SOCS7: variants seen among roughly 807,000 people sequenced by gnomAD.
SOCS7 encodes suppressor of cytokine signaling 7, also known as NAP-4.
Under a neutral mutation model 58.9 loss-of-function variants are expected in SOCS7, and 18 were observed. The observed-to-expected ratio is 0.31, with a 90% CI of 0.21 to 0.45. The LOEUF (loss-of-function observed/expected upper bound fraction) is 0.45. Ranked by LOEUF, SOCS7 falls within the 20% of genes least tolerant of loss-of-function variation. SOCS7 has a pLI of 1.00. For missense variants in SOCS7, 667 were observed against 837.3 expected (o/e 0.80, Z 2.51); for synonymous variants, 388 against 364.3 (o/e 1.06, Z -0.74).
At chr17:38,373,081 G>T (rs2037888336) in intron 6 of SOCS7, among the ~76,000 whole-genome samples, 1 of 151,512 alleles carries the variant, frequency 6.6e-6, no homozygotes, top group Non-Finnish European at 1.5e-5. Context: ...ACTCCAGCCT[G>T]GGCAACAAGA....
intron 6 of SOCS7, among the ~76,000 whole-genome samples, chr17:38,369,569 G>C (rs1216808490): frequency 6.6e-6 from 1 of 151,878 alleles, no homozygotes; most frequent in African/African-American, 2.4e-5. Context: ...TGTTAAACCT[G>C]TTCAAATGAC....
intron 6 of SOCS7, among the ~76,000 whole-genome samples, chr17:38,370,009 T>C (rs1163940435): frequency 3.9e-5 from 6 of 152,128 alleles, no homozygotes; most frequent in Admixed American, 3.9e-4. Flanking sequence ...GTGAGGCTGG[T>C]CTTGAACTCC....
At chr17:38,389,908 G>GTACATATATATATATATACAT (rs2038146914) in intron 7 of SOCS7, among the ~76,000 whole-genome samples, 1 of 6,780 alleles carries the variant, frequency 1.5e-4, no homozygotes, top group Non-Finnish European at 3.6e-4. Context: ...TACACATATA[G>GTACATATATATATATATACAT]AGAGAGAGAG....
intron 7 of SOCS7, among the ~76,000 whole-genome samples, chr17:38,382,197 G>A (rs976116491): frequency 6.6e-6 from 1 of 151,986 alleles, no homozygotes; most frequent in East Asian, 1.9e-4. Context: ...GGGAGGTAGA[G>A]GTGGAAGGAT....
intron 7 of SOCS7, 76 bp downstream of exon 7, chr17:38,377,918 A>G (rs1259988286): frequency 4.2e-6 from 6 of 1,433,668 alleles, no homozygotes; most frequent in East Asian, 2.3e-5. Flanking sequence ...CACCATCCCC[A>G]CAAAAGGCCA....
intron 6 of SOCS7, among the ~76,000 whole-genome samples, chr17:38,369,575 A>G (rs2037834380): frequency 6.6e-6 from 1 of 152,112 alleles, no homozygotes; most frequent in African/African-American, 2.4e-5. Flanking sequence ...ACCTGTTCAA[A>G]TGACTAGGCC....
chr17:38,389,399 T>TG (rs2038120955), intron 7 of SOCS7, among the ~76,000 whole-genome samples: 3 of 152,064 alleles, frequency 2.0e-5, no homozygotes, highest in African/African-American at 7.2e-5. Flanking sequence ...CTACAAAAAA[T>TG]TTAAAAATTA....
intron 7 of SOCS7, among the ~76,000 whole-genome samples, chr17:38,382,667 T>G (rs2038018778): frequency 6.6e-6 from 1 of 151,916 alleles, no homozygotes; most frequent in Non-Finnish European, 1.5e-5. Flanking sequence ...TTTTGTATTT[T>G]TAGTAGAGAC....
intron 7 of SOCS7, among the ~76,000 whole-genome samples, chr17:38,390,896 G>A (rs936243702): frequency 3.3e-5 from 5 of 151,714 alleles, no homozygotes; most frequent in Admixed American, 1.3e-4. Flanking sequence ...GGGTCTCACC[G>A]CATTGCCCAG....
chr17:38,375,878 G>A (rs1471263158), intron 6 of SOCS7: 2 of 151,674 alleles, frequency 1.3e-5, no homozygotes, highest in Non-Finnish European at 2.9e-5. Flanking sequence ...GGAGTGCAAT[G>A]GTGTGATCTC....
chr17:38,375,343 C>G (rs977916632), intron 6 of SOCS7, among the ~76,000 whole-genome samples: 6 of 152,140 alleles, frequency 3.9e-5, no homozygotes, highest in Non-Finnish European at 8.8e-5. Flanking sequence ...TCCTCTTCCT[C>G]TTCCTCCTCA....
chr17:38,386,508 A>G (rs1223826789), intron 7 of SOCS7, among the ~76,000 whole-genome samples: 2 of 151,846 alleles, frequency 1.3e-5, no homozygotes, highest in African/African-American at 2.4e-5. Flanking sequence ...GCAAGATTAT[A>G]TAGGTAGTAT....
intron 7 of SOCS7, among the ~76,000 whole-genome samples, chr17:38,381,379 G>A (rs946758769): frequency 1.3e-5 from 2 of 152,030 alleles, no homozygotes; most frequent in Non-Finnish European, 2.9e-5. Context: ...GTAGGTATTA[G>A]CATTTAGGTT....
At position 38,400,528 on chromosome 17, in the gene SOCS7, G is replaced by A. The variant is rs1708189993; in HGVS notation, c.*1046G>A. On this transcript the variant is annotated 3_prime_UTR_variant, in exon 10 of 10. Transcript: ENST00000612932. ...GAAGGTGAGAAATACAGCTCCCACA[G>A]TTGTGCTCTTCCTAGAGGAAGCTCT... 1 of 152,216 alleles carries A rather than the reference G, an allele frequency of 6.6e-6. No individual in the cohort carries two copies. Among genetic ancestry groups the A allele is most frequent in the Admixed American group, 6.5e-5 (1 of 15,268 alleles). The allele number at this position is 152,216 out of a possible 1,614,324, so 9.4% of individuals were successfully genotyped here. A position where few individuals can be genotyped will look rare whatever the true frequency, so the allele number is the denominator to read the frequency against.
intron 7 of SOCS7, among the ~76,000 whole-genome samples, chr17:38,391,044 T>A (rs778519411): frequency 3.9e-5 from 6 of 152,154 alleles, no homozygotes; most frequent in Non-Finnish European, 8.8e-5. Context: ...TTAAATTTAT[T>A]TTTTAGTATT....
intron 6 of SOCS7, among the ~76,000 whole-genome samples, chr17:38,370,994 C>G (rs2037856586): frequency 6.6e-6 from 1 of 152,172 alleles, no homozygotes; most frequent in Non-Finnish European, 1.5e-5. Flanking sequence ...CTTTCCGTTA[C>G]CAGTTTGCAG....
At chr17:38,353,114 C>G in intron 1 of SOCS7, 82 bp downstream of exon 1, 1 of 1,325,424 alleles carries the variant, frequency 7.5e-7, no homozygotes, top group Non-Finnish European at 1.0e-6. Context: ...GCGATCCTGA[C>G]AGTTCTTAAG....
Position 38,368,010 on chromosome 17 carries a change from A to G in SOCS7, c.1512A>G (p.Ser504=), listed in dbSNP as rs758930667. 2.1e-5 allele frequency: 34 copies of G among 1,614,184 alleles called. No homozygotes were observed. Among genetic ancestry groups the G allele is most frequent in the Non-Finnish European group, 2.8e-5 (33 of 1,180,030 alleles). Residue 504 remains serine, a synonymous_variant, in exon 6 of 10, where the codon TCA becomes TCG. Transcript: ENST00000612932. ...PRYILSLSFR[S]QGITHHTRME... ...ACATCCTGAGCCTCAGTTTCCGATC[A>G]CAGGGTATCACCCACCACACTAGAA...
chr17:38,394,927 G>A (rs2038225944), intron 7 of SOCS7, among the ~76,000 whole-genome samples: 2 of 152,194 alleles, frequency 1.3e-5, no homozygotes, highest in African/African-American at 4.8e-5. Flanking sequence ...GCATGCATCT[G>A]TGGTCCCAGC....
Sources: allele counts gnomAD v4.1 joint callset (sites outside exome capture counted in the v4.1 genomes callset), GRCh38; gene constraint gnomAD v4.1.1; transcripts MANE v1.5; gene names NCBI Gene and HGNC (gene_info 2026-07-23, HGNC 2026-07-21).